Variants in AMH observed in about 807,000 individuals in gnomAD.
AMH encodes anti-Muellerian hormone.
Under a neutral mutation model 33.3 loss-of-function variants are expected in AMH, and 39 were observed. The ratio of observed to expected loss-of-function variants is 1.17; its 90% CI spans 0.91 to 1.53. The LOEUF is 1.53. Ranked by LOEUF, AMH falls within the 40% of genes most tolerant of loss-of-function variation. AMH has a pLI of 0.00. For missense variants in AMH, 1,019 were observed against 799.8 expected (o/e 1.27, Z -3.30); for synonymous variants, 536 against 403.0 (o/e 1.33, Z -3.95).
chr19:2,249,648 G>A lies in AMH; in HGVS notation c.316G>A (p.Gly106Ser), dbSNP rs182295886. 1.9e-4 allele frequency: 288 copies of A among 1,516,358 alleles called. 2 individuals carry two copies. The East Asian group carries it at 5.5e-3, about 29-fold the overall frequency. 93.9% of individuals were successfully genotyped at this position (1,516,358 alleles called of 1,614,324 possible). Reference sequence around the variant, plus strand: ...GGCCACCTTCGGGGTCTGCAACACCGGTGACAGGCAGGCTGCCTTGCCCTC... The same window carrying A: ...GGCCACCTTCGGGGTCTGCAACACCAGTGACAGGCAGGCTGCCTTGCCCTC... ...DLATFGVCNTGDRQAALPSLR... is the reference protein window; with the variant it reads ...DLATFGVCNTSDRQAALPSLR... The change falls in exon 1 of 5, where the codon GGT (glycine) becomes AGT (serine). Residue 106 changes from glycine (G) to serine (S), a missense_variant. Transcript: ENST00000221496.
intron 1 of AMH, 42 bp from the exon 2 acceptor site, chr19:2,250,295 G>A (rs768510419): frequency 6.4e-7 from 1 of 1,565,968 alleles, no homozygotes; most frequent in South Asian, 1.2e-5. Context: ...CGGGGGGTGT[G>A]GCCTTCAATG....
chr19:2,251,076 A>C (rs754795092), intron 4 of AMH, 23 bp from the exon 5 acceptor site: 2 of 1,536,236 alleles, frequency 1.3e-6, no homozygotes, highest in South Asian at 1.2e-5. Flanking sequence ...GCCGCTCTCA[A>C]CTCCTCCAAT....
In AMH at chr19:2,249,660, G is replaced by T. The variant is rs761126503; in HGVS notation, c.328G>T (p.Ala110Ser). The T allele has an allele frequency of 2.6e-6, 4 of 1,514,606 alleles. No homozygotes were observed. Among genetic ancestry groups the T allele is most frequent in the Non-Finnish European group, 1.8e-6 (2 of 1,134,994 alleles). 93.8% of individuals were successfully genotyped at this position (1,514,606 alleles called of 1,614,324 possible). The change falls in exon 1 of 5, where the codon GCT becomes TCT. Residue 110 changes from alanine (A) to serine (S), a missense_variant. By Grantham distance (99) the Ala-to-Ser change is moderately conservative. Transcript: ENST00000221496. ...FGVCNTGDRQ[A>S]ALPSLRRLGA... ...GGTCTGCAACACCGGTGACAGGCAG[G>T]CTGCCTTGCCCTCTCTACGGCGGCT...
At position 2,250,146 on chromosome 19, in the gene AMH, G is replaced by A. The variant is rs1368628445; in HGVS notation, c.413-191G>A. ...CCCCAGGGCGGCAGCCCCACCCACA[G>A]CCTCAGACGCAGCCCCTGCCTGCCC... On this transcript the variant is annotated intron_variant, in intron 1 of 4. Transcript: ENST00000221496. 8.4e-6 allele frequency: 8 copies of A among 948,498 alleles called. No individual in the cohort carries two copies. The Admixed American group carries it at 1.7e-4, about 20-fold the overall frequency. The allele number at this position is 948,498 out of a possible 1,614,324, so 58.8% of individuals were successfully genotyped here.
rs1189067459 is a variant in AMH, at chr19:2,251,486, G to A, written c.1212G>A (p.Leu404=). The change falls in exon 5 of 5, where the codon CTG becomes CTA. Residue 404 remains leucine, a synonymous_variant. Coordinates refer to ENST00000221496, the MANE Select transcript of AMH (RefSeq NM_000479.5). Reference sequence around the variant, plus strand: ...TGCCTCCGGCCACAGCCCCGCTGCTGGCGCGCCTGCTCGCGCTCTGCCCAG... The same window carrying A: ...TGCCTCCGGCCACAGCCCCGCTGCTAGCGCGCCTGCTCGCGCTCTGCCCAG... The part of the protein sequence containing the change: ...PGLPPATAPL[L]ARLLALCPGG... 1 of 1,380,116 alleles carries A rather than the reference G, an allele frequency of 7.2e-7. No individual in the cohort carries two copies. The highest frequency in any genetic ancestry group is 9.3e-7 in the Non-Finnish European group (1 of 1,073,330). 85.5% of individuals were successfully genotyped at this position (1,380,116 alleles called of 1,614,324 possible).
At chr19:2,250,561 G>A in intron 2 of AMH, 82 bp downstream of exon 2, 1 of 1,538,658 alleles carries the variant, frequency 6.5e-7, no homozygotes, top group East Asian at 2.4e-5. Flanking sequence ...ACTGAGAACA[G>A]CGTAGAACCA....
intron 1 of AMH, 51 bp from the exon 2 acceptor site, chr19:2,250,286 G>C (rs773995807): frequency 4.5e-6 from 7 of 1,556,482 alleles, no homozygotes; most frequent in African/African-American, 1.3e-5. Flanking sequence ...AAAGATTCCC[G>C]GGGGGTGTGG....
rs778553291 is a variant in AMH at position 2,249,487 on chromosome 19, A to G, written c.155A>G (p.Glu52Gly). Reference protein sequence around the residue: ...DLDWPPGSPQEPLCLVALGGD... With the variant: ...DLDWPPGSPQGPLCLVALGGD... ...GACTGGCCTCCAGGCAGCCCACAAG[A>G]GCCTCTGTGCCTGGTGGCACTGGGC... Residue 52 changes from glutamate to glycine, a missense_variant, in exon 1 of 5, where the codon GAG becomes GGG. Physicochemically the swap from Glu to Gly is moderately conservative, Grantham distance 98. Transcript: ENST00000221496. 1 of 1,607,272 alleles carries G rather than the reference A, an allele frequency of 6.2e-7. No homozygotes were observed. Among genetic ancestry groups the G allele is most frequent in the South Asian group, 1.1e-5 (1 of 90,298 alleles).
At position 2,251,999 on chromosome 19, in the gene AMH, G is replaced by C. The variant is rs748642352; in HGVS notation, c.*42G>C. Reference sequence around the variant, plus strand: ...ACTCCTGCCCCGAGGGTCCGGACGCGCCCCAGCTCGCGCCCCTTCCCATAT... The same window carrying C: ...ACTCCTGCCCCGAGGGTCCGGACGCCCCCCAGCTCGCGCCCCTTCCCATAT... On this transcript the variant is annotated 3_prime_UTR_variant, in exon 5 of 5. Coordinates refer to ENST00000221496, the MANE Select transcript of AMH (RefSeq NM_000479.5). The C allele has an allele frequency of 6.5e-7, 1 of 1,528,596 alleles. No homozygotes were observed. Among genetic ancestry groups the C allele is most frequent in the South Asian group, 1.2e-5 (1 of 83,854 alleles). 94.7% of individuals were successfully genotyped at this position (1,528,596 alleles called of 1,614,324 possible).
chr19:2,250,285 C>T (rs554790862), intron 1 of AMH, 52 bp from the exon 2 acceptor site: 71 of 1,556,740 alleles, frequency 4.6e-5, no homozygotes, highest in Middle Eastern at 4.1e-4. Context: ...CAAAGATTCC[C>T]GGGGGGTGTG....
intron 2 of AMH, 65 bp downstream of exon 2, chr19:2,250,544 C>G (rs2025015222): frequency 1.1e-5 from 17 of 1,539,862 alleles, no homozygotes; most frequent in Non-Finnish European, 1.5e-5. Context: ...GTTGCAGGGT[C>G]TGCAGTACTG....
In AMH at chr19:2,251,739, C is replaced by T; in HGVS notation, c.1465C>T (p.Gln489Ter). The change falls in exon 5 of 5, where the codon CAG becomes TAG. Residue 489 changes from glutamine (Q) to a stop codon, truncating the protein, a stop_gained. Transcript: ENST00000221496. LOFTEE classifies it high-confidence loss of function. ...IPETYQANNC[Q>*]GVCGWPQSDR... The stretch of plus-strand genomic sequence containing the variant: ...CGAGACCTACCAGGCCAACAATTGC[C>T]AGGGCGTGTGCGGCTGGCCTCAGTC... 2 of 1,611,822 alleles carry T rather than the reference C, an allele frequency of 1.2e-6. No homozygotes were observed. Among genetic ancestry groups the T allele is most frequent in the Non-Finnish European group, 8.5e-7 (1 of 1,179,602 alleles).
At position 2,249,525 on chromosome 19, in the gene AMH, GGCAGCA is replaced by G; in HGVS notation, c.196_201del (p.Ser67_Ser68del). On this transcript the variant is annotated inframe_deletion, in exon 1 of 5. Coordinates refer to ENST00000221496, the MANE Select transcript of AMH (RefSeq NM_000479.5). ...GGTGGCACTGGGCGGGGACAGCAAT[GGCAGCA>G]GCTCCCCCCTGCGGGTGGTGGGGGC... 6.2e-7 allele frequency: 1 copy of G among 1,602,572 alleles called. No individual in the cohort carries two copies. The highest frequency in any genetic ancestry group is 8.5e-7 in the Non-Finnish European group (1 of 1,176,206).
chr19:2,250,727 G>A lies in AMH; in HGVS notation c.631G>A (p.Gly211Arg). 3.3e-6 allele frequency: 5 copies of A among 1,537,754 alleles called. No individual in the cohort carries two copies. The highest frequency in any genetic ancestry group is 2.4e-5 in the East Asian group (1 of 41,118). ...CCCTGCGGGGGCCTGGCGCGGCTCC[G>A]GGCTGGCCTTGACCCTGCAGCCCCG... ...DRPAGAWRGSGLALTLQPRGE... is the reference protein window; with the variant it reads ...DRPAGAWRGSRLALTLQPRGE... The change falls in exon 3 of 5, where the codon GGG becomes AGG. Residue 211 changes from glycine (G) to arginine (R), a missense_variant. Physicochemically the swap from Gly to Arg is moderately radical, Grantham distance 125. Coordinates refer to ENST00000221496, the MANE Select transcript of AMH (RefSeq NM_000479.5).
Position 2,250,076 on chromosome 19 carries a change from A to G in AMH, c.413-261A>G. On this transcript the variant is annotated intron_variant, in intron 1 of 4. Coordinates refer to ENST00000221496, the MANE Select transcript of AMH (RefSeq NM_000479.5). Reference sequence around the variant, plus strand: ...GTTCTCAGGGCCGCTGGCCTAAGATACTCCCTGCGGGGAAGGGGCTTCATC... The same window carrying G: ...GTTCTCAGGGCCGCTGGCCTAAGATGCTCCCTGCGGGGAAGGGGCTTCATC... 3 of 635,458 alleles carry G rather than the reference A, an allele frequency of 4.7e-6. No individual in the cohort carries two copies. In the Middle Eastern group the frequency reaches 1.3e-3, roughly 274 times the overall value. 39.4% of individuals were successfully genotyped at this position (635,458 alleles called of 1,614,324 possible). A position where few individuals can be genotyped will look rare whatever the true frequency, so the allele number is the denominator to read the frequency against.
rs376247795 is a variant in AMH, at chr19:2,250,974, G to C, written c.790G>C (p.Gly264Arg). The C allele has an allele frequency of 9.6e-5, 146 of 1,520,318 alleles. No individual in the cohort carries two copies. The African/African-American group carries it at 1.5e-3, about 16-fold the overall frequency. The allele number at this position is 1,520,318 out of a possible 1,614,324, so 94.2% of individuals were successfully genotyped here. A position where few individuals can be genotyped will look rare whatever the true frequency, so the allele number is the denominator to read the frequency against. The part of the protein sequence containing the change: ...RSEPAPLPAH[G>R]QLDTVPFPPP... ...CGAGCCCGCGCCGCTGCCTGCGCAC[G>C]GCCAGCTGGACACCGTGCCCTTCCC... is the stretch of plus-strand genomic sequence containing the variant. Residue 264 changes from glycine (G) to arginine (R), a missense_variant, in exon 4 of 5, where the codon GGC becomes CGC. Gly to Arg is a moderately radical substitution (Grantham distance 125, BLOSUM62 -2). Coordinates refer to ENST00000221496, the MANE Select transcript of AMH (RefSeq NM_000479.5).
Position 2,249,588 on chromosome 19 carries a change from G to C in AMH, c.256G>C (p.Ala86Pro). ...LSAYEQAFLG[A>P]VQRARWGPRD... ...CGCCTATGAGCAGGCCTTCCTGGGG[G>C]CCGTGCAGAGGGCCCGCTGGGGCCC... is the stretch of plus-strand genomic sequence containing the variant. The change falls in exon 1 of 5, where the codon GCC becomes CCC. Residue 86 changes from alanine (A) to proline (P), a missense_variant. By Grantham distance (27) the Ala-to-Pro change is conservative. Coordinates refer to ENST00000221496, the MANE Select transcript of AMH (RefSeq NM_000479.5). 2 of 1,563,740 alleles carry C rather than the reference G, an allele frequency of 1.3e-6. No homozygotes were observed. The highest frequency in any genetic ancestry group is 8.6e-7 in the Non-Finnish European group (1 of 1,156,838).
Position 2,251,309 on chromosome 19 carries a change from G to A in AMH, c.1035G>A (p.Pro345=), listed in dbSNP as rs1003233694. Residue 345 remains proline (P), a synonymous_variant, in exon 5 of 5, where the codon CCG becomes CCA. Coordinates refer to ENST00000221496, the MANE Select transcript of AMH (RefSeq NM_000479.5). Reference sequence around the variant, plus strand: ...AGCGCCTACTCGACGGCGAGGAGCCGCTGCTGCTGCTGCTGAGGCCCACTG... The same window carrying A: ...AGCGCCTACTCGACGGCGAGGAGCCACTGCTGCTGCTGCTGAGGCCCACTG... ...ALERLLDGEE[P]LLLLLRPTAA... The A allele has an allele frequency of 1.5e-5, 22 of 1,490,944 alleles. No individual in the cohort carries two copies. The Admixed American group carries it at 1.7e-4, about 12-fold the overall frequency. The allele number at this position is 1,490,944 out of a possible 1,614,324, so 92.4% of individuals were successfully genotyped here.
At position 2,251,333 on chromosome 19, in the gene AMH, T is replaced by C. The variant is rs994991215; in HGVS notation, c.1059T>C (p.Thr353=). 5 of 1,495,904 alleles carry C rather than the reference T, an allele frequency of 3.3e-6. No individual in the cohort carries two copies. The highest frequency in any genetic ancestry group is 2.1e-5 in the Admixed American group (1 of 46,598). 92.7% of individuals were successfully genotyped at this position (1,495,904 alleles called of 1,614,324 possible). ...EEPLLLLLRP[T]AATTGDPAPL... ...CGCTGCTGCTGCTGCTGAGGCCCAC[T>C]GCGGCCACCACCGGGGATCCTGCGC... is the stretch of plus-strand genomic sequence containing the variant. Residue 353 remains threonine (T), a synonymous_variant, in exon 5 of 5, where the codon ACT becomes ACC. Transcript: ENST00000221496.
Sources: gnomAD v4.1 joint callset for allele counts on GRCh38, gnomAD v4.1.1 for gene constraint, MANE v1.5 for transcripts, NCBI Gene and HGNC (gene_info 2026-07-23, HGNC 2026-07-21) for gene names.